SDK1: variants seen among roughly 807,000 people sequenced by gnomAD.
SDK1 encodes the protein protein sidekick-1.
Under a neutral mutation model 245.5 loss-of-function variants are expected in SDK1, and 157 were observed. The observed-to-expected ratio is 0.64, with a 90% CI of 0.56 to 0.73. The LOEUF is 0.73. Among genes scored for constraint, SDK1 ranks in the 30% least tolerant of loss-of-function variants. The pLI, the probability that SDK1 is intolerant of heterozygous loss-of-function variation, is 0.00. For missense variants in SDK1, 3,583 were observed against 3,002.3 expected (o/e 1.19, Z -4.52); for synonymous variants, 1,647 against 1,278.5 (o/e 1.29, Z -6.15).
intron 13 of SDK1, among the ~76,000 whole-genome samples, chr7:3,980,874 G>A (rs968130794): frequency 2.6e-5 from 4 of 152,058 alleles, no homozygotes; most frequent in African/African-American, 9.7e-5. Context: ...TCAGGAGGCG[G>A]AGGTTGCAGT....
chr7:3,519,353 A>G (rs1249507837), intron 1 of SDK1, among the ~76,000 whole-genome samples: 7 of 152,168 alleles, frequency 4.6e-5, no homozygotes, highest in Non-Finnish European at 8.8e-5. Context: ...ATTACTATAT[A>G]TTGTAATGTA....
intron 4 of SDK1, among the ~76,000 whole-genome samples, chr7:3,787,619 T>C (rs940015868): frequency 2.0e-5 from 3 of 152,218 alleles, no homozygotes; most frequent in African/African-American, 7.2e-5. Flanking sequence ...GTATCATTCC[T>C]CTGGAAGACC....
At chr7:3,982,101 C>T (rs922382372) in intron 13 of SDK1, among the ~76,000 whole-genome samples, 1 of 152,202 alleles carries the variant, frequency 6.6e-6, no homozygotes, top group African/African-American at 2.4e-5. Flanking sequence ...GAAGCCAACA[C>T]TCATTTACTG....
intron 5 of SDK1, among the ~76,000 whole-genome samples, chr7:3,855,561 A>T (rs1042474405): frequency 1.3e-5 from 2 of 152,104 alleles, no homozygotes; most frequent in African/African-American, 4.8e-5. Flanking sequence ...GAAATAATGT[A>T]TGTAAAAAAA....
At chr7:4,209,868 T>A (rs550496804) in intron 37 of SDK1, among the ~76,000 whole-genome samples, 157 bp from the exon 38 acceptor site, 11 of 152,362 alleles carry the variant, frequency 7.2e-5, no homozygotes, top group African/African-American at 2.4e-4. Flanking sequence ...AGTTCTGAGG[T>A]GATCAATAAA....
At position 4,227,614 on chromosome 7, in the gene SDK1, G is replaced by C. The variant is rs76546924; in HGVS notation, c.5828-5641G>C. ...GTCAAGCGGTTGGTTGTGTGAGTGC[G>C]TGGAACCAGAAATCTCAGGCAGTGA... On this transcript the variant is annotated intron_variant, in intron 40 of 44. Transcript: ENST00000404826. Among the ~76,000 whole-genome samples the C allele has an allele frequency of 9.9e-3, 1,515 of 152,328 alleles. 21 individuals are homozygous for C. The highest frequency in any genetic ancestry group is 0.034 in the African/African-American group (1,413 of 41,564).
intron 1 of SDK1, among the ~76,000 whole-genome samples, chr7:3,504,265 C>CGTTGTTGTTGTTGTT (rs369977701): frequency 2.0e-5 from 3 of 146,544 alleles, no homozygotes; most frequent in Non-Finnish European, 3.0e-5. Flanking sequence ...CTGTTGTTGT[C>CGTTGTTGTTGTTGTT]GTTGTTGTTG....
At position 3,557,892 on chromosome 7, in the gene SDK1, T is replaced by C. The variant is rs180735975; in HGVS notation, c.299-61188T>C. 8.3e-4 allele frequency among the ~76,000 whole-genome samples: 127 copies of C among 152,350 alleles called. 1 individual carries two copies. The highest frequency in any genetic ancestry group is 2.9e-3 in the African/African-American group (122 of 41,584). On this transcript the variant is annotated intron_variant, in intron 1 of 44. Transcript: ENST00000404826. ...TGAGACATTGCATTCCTAGTAGTTT[T>C]ACATGATCACATGTAGATCATACCA...
chr7:4,236,129 C>T (rs1448919680), intron 41 of SDK1, among the ~76,000 whole-genome samples: 1 of 152,224 alleles, frequency 6.6e-6, no homozygotes, highest in African/African-American at 2.4e-5. Context: ...ATCCCCTATT[C>T]GTGAGATATA....
At chr7:3,751,971 G>A (rs1470575807) in intron 4 of SDK1, among the ~76,000 whole-genome samples, 2 of 152,232 alleles carry the variant, frequency 1.3e-5, no homozygotes, top group Non-Finnish European at 2.9e-5. Context: ...CATGGGAGGT[G>A]TATTTGAGAT....
At chr7:3,917,599 A>G (rs774703862) in intron 5 of SDK1, among the ~76,000 whole-genome samples, 1 of 152,126 alleles carries the variant, frequency 6.6e-6, no homozygotes, top group Non-Finnish European at 1.5e-5. Flanking sequence ...TCAGGAAGTC[A>G]TGGCTTCTGT....
At chr7:3,415,738 C>T (rs7790869) in intron 1 of SDK1, among the ~76,000 whole-genome samples, 85,488 of 149,432 alleles carry the variant, frequency 0.57, 24,551 homozygotes, top group South Asian at 0.61. Context: ...TATATATATT[C>T]ATATACAAAT....
At position 4,147,899 on chromosome 7, in the gene SDK1, G is replaced by A. The variant is rs117327532; in HGVS notation, c.4424-1363G>A. Among the ~76,000 whole-genome samples the A allele has an allele frequency of 9.9e-3, 1,503 of 152,230 alleles. 21 individuals are homozygous for A. Among genetic ancestry groups the A allele is most frequent in the Admixed American group, 0.031 (470 of 15,282 alleles). On this transcript the variant is annotated intron_variant, in intron 29 of 44. Transcript: ENST00000404826. Reference sequence around the variant, plus strand: ...TGTGCCCCTCCCGCGAGCCAGGCACGTGTGCAGGTGCATCACAGACACGGT... The same window carrying A: ...TGTGCCCCTCCCGCGAGCCAGGCACATGTGCAGGTGCATCACAGACACGGT...
At chr7:3,574,241 C>T (rs1014291271) in intron 1 of SDK1, among the ~76,000 whole-genome samples, 2 of 151,872 alleles carry the variant, frequency 1.3e-5, no homozygotes, top group African/African-American at 2.4e-5. Flanking sequence ...CTCAGCCTCC[C>T]GAGCAGCTGG....
intron 1 of SDK1, among the ~76,000 whole-genome samples, chr7:3,587,300 C>CGTGTGTGTGT (rs10523052): frequency 8.0e-4 from 119 of 149,052 alleles, no homozygotes; most frequent in Non-Finnish European, 1.6e-3. Flanking sequence ...AGAAACAGAA[C>CGTGTGTGTGT]GTGTGTGTGT....
At chr7:3,814,109 T>C (rs1433984540) in intron 4 of SDK1, among the ~76,000 whole-genome samples, 1 of 142,908 alleles carries the variant, frequency 7.0e-6, no homozygotes, top group Non-Finnish European at 1.5e-5. Context: ...AGAAGCTCTT[T>C]AGTTTAATTA....
chr7:3,477,160 A>T (rs1393253445), intron 1 of SDK1, among the ~76,000 whole-genome samples: 1 of 148,166 alleles, frequency 6.7e-6, no homozygotes, highest in African/African-American at 2.5e-5. Flanking sequence ...AAATATCCTA[A>T]CACTTCATTT....
Position 4,210,185 on chromosome 7 carries a change from T to G in SDK1, c.5539+23T>G, listed in dbSNP as rs748404160. 2.0e-6 allele frequency: 3 copies of G among 1,517,542 alleles called. No individual in the cohort carries two copies. The African/African-American group carries it at 4.2e-5, about 21-fold the overall frequency. The allele number at this position is 1,517,542 out of a possible 1,614,324, so 94.0% of individuals were successfully genotyped here. On this transcript the variant is annotated intron_variant, in intron 38 of 44. Coordinates refer to ENST00000404826, the MANE Select transcript of SDK1 (RefSeq NM_152744.4). ...AAGGTAAGACCCGGGGTTGGGGAGA[T>G]GGGAGCGCGGGCCACACCAGTGCCC...
chr7:3,476,950 ACT>A (rs1781363787), intron 1 of SDK1, among the ~76,000 whole-genome samples: 1 of 152,096 alleles, frequency 6.6e-6, no homozygotes, highest in African/African-American at 2.4e-5. Flanking sequence ...AAGGACGGAG[ACT>A]CTGTAGGCGT....
Sources: gnomAD v4.1 joint callset for allele counts (sites outside exome capture counted in the v4.1 genomes callset) on GRCh38, gnomAD v4.1.1 for gene constraint, MANE v1.5 for transcripts, NCBI Gene and HGNC (gene_info 2026-07-23, HGNC 2026-07-21) for gene names.